Variants in CDA observed in about 807,000 individuals in gnomAD.
The protein encoded by CDA is cytidine deaminase.
In CDA, 7 loss-of-function variants were observed where a neutral mutation model predicts 15.0. The observed-to-expected ratio is 0.47, with a 90% confidence interval of 0.26 to 0.87. The LOEUF (loss-of-function observed/expected upper bound fraction) is 0.87. Ranked by LOEUF, CDA falls within the 40% of genes least tolerant of loss-of-function variation. The pLI is 0.15. For missense variants in CDA, 159 were observed against 182.7 expected (o/e 0.87, Z 0.75); for synonymous variants, 58 against 73.0 (o/e 0.79, Z 1.05).
chr1:20,593,511 G>T (rs915476710), intron 1 of CDA, among the ~76,000 whole-genome samples: 1 of 152,164 alleles, frequency 6.6e-6, no homozygotes, highest in Admixed American at 6.6e-5. Flanking sequence ...CTCTTGTCCT[G>T]CAGGTGGGCT....
Position 20,606,161 on chromosome 1 carries a change from C to G in CDA, c.266+1122C>G, listed in dbSNP as rs1364169958. Reference sequence around the variant, plus strand: ...AGCCTTCCCTGTCACCGAGGTGTGTCCTGGCTTCCTTAAGGCTTCCGGAGG... The same window carrying G: ...AGCCTTCCCTGTCACCGAGGTGTGTGCTGGCTTCCTTAAGGCTTCCGGAGG... On this transcript the variant is annotated intron_variant, in intron 2 of 3. Transcript: ENST00000375071. Among the ~76,000 whole-genome samples, 3 of 123,488 alleles carry G rather than the reference C, an allele frequency of 2.4e-5. 1 individual carries two copies. Among genetic ancestry groups the G allele is most frequent in the Non-Finnish European group, 5.4e-5 (3 of 55,910 alleles). 81.0% of individuals were successfully genotyped at this position (123,488 alleles called of 152,430 possible).
In CDA at chr1:20,605,827, A is replaced by G. The variant is rs1474123718; in HGVS notation, c.266+788A>G. ...GGACAGAGTGAGACCCTGTCTCAAA[A>G]ACAACACAAAACAAAAAAGCATTGA... is the stretch of plus-strand genomic sequence containing the variant. On this transcript the variant is annotated intron_variant, in intron 2 of 3. Transcript: ENST00000375071. Among the ~76,000 whole-genome samples the G allele has an allele frequency of 1.6e-5, 2 of 124,100 alleles. 1 individual carries two copies. Among genetic ancestry groups the G allele is most frequent in the Non-Finnish European group, 3.6e-5 (2 of 56,000 alleles). 81.4% of individuals were successfully genotyped at this position (124,100 alleles called of 152,430 possible). A position where few individuals can be genotyped will look rare whatever the true frequency, so the allele number is the denominator to read the frequency against.
intron 2 of CDA, among the ~76,000 whole-genome samples, chr1:20,611,508 G>A (rs545428312): frequency 3.3e-5 from 5 of 152,272 alleles, no homozygotes; most frequent in African/African-American, 1.2e-4. Context: ...AGCCTCCTGG[G>A]TAGCTGGGAC....
At chr1:20,589,745 G>A (rs66731853) in intron 1 of CDA, among the ~76,000 whole-genome samples, 35,764 of 152,134 alleles carry the variant, frequency 0.24, 5,143 homozygotes, top group Middle Eastern at 0.39. Flanking sequence ...AAGGTCACAC[G>A]GGGCGCTGGT....
intron 2 of CDA, among the ~76,000 whole-genome samples, chr1:20,608,408 T>TGTTTTGTTTC (rs2052713865): frequency 6.6e-6 from 1 of 151,764 alleles, no homozygotes; most frequent in African/African-American, 2.4e-5. Context: ...TGTTTTGTTT[T>TGTTTTGTTTC]GTTTTGTTTT....
At chr1:20,590,027 G>A (rs1445667418) in intron 1 of CDA, among the ~76,000 whole-genome samples, 1 of 152,212 alleles carries the variant, frequency 6.6e-6, no homozygotes, top group African/African-American at 2.4e-5. Flanking sequence ...GTTCATGTGA[G>A]CAAAAATTCA....
intron 3 of CDA, among the ~76,000 whole-genome samples, chr1:20,616,187 G>A (rs1455138012): frequency 5.3e-5 from 8 of 152,136 alleles, no homozygotes; most frequent in Non-Finnish European, 7.4e-5. Flanking sequence ...TCTGAAGCCC[G>A]TGCTCCTCAC....
At chr1:20,616,190 C>G (rs1459514914) in intron 3 of CDA, among the ~76,000 whole-genome samples, 1 of 152,180 alleles carries the variant, frequency 6.6e-6, no homozygotes, top group African/African-American at 2.4e-5. Context: ...GAAGCCCGTG[C>G]TCCTCACGGC....
intron 2 of CDA, among the ~76,000 whole-genome samples, chr1:20,609,312 G>A (rs1304695749): frequency 1.3e-5 from 2 of 152,192 alleles, no homozygotes; most frequent in South Asian, 2.1e-4. Context: ...GTGAAACCCC[G>A]TCTCTACTAA....
At chr1:20,593,343 T>C (rs1004105647) in intron 1 of CDA, among the ~76,000 whole-genome samples, 2 of 152,256 alleles carry the variant, frequency 1.3e-5, no homozygotes, top group South Asian at 2.1e-4. Context: ...TGGGGGACAA[T>C]GAGTTTCACA....
rs777944190 is a variant in CDA, at chr1:20,613,829, T to G, written c.267-13T>G. The G allele has an allele frequency of 1.9e-6, 3 of 1,613,554 alleles. No homozygotes were observed. Among genetic ancestry groups the G allele is most frequent in the South Asian group, 2.2e-5 (2 of 91,050 alleles). On this transcript the variant is annotated splice_polypyrimidine_tract_variant and intron_variant, in intron 2 of 3. Transcript: ENST00000375071. ...GGAGAGACTAATTTGAGTTTGATTC[T>G]TTGCTTCCCCAGTGACATGCAAGAT... is the stretch of plus-strand genomic sequence containing the variant.
intron 3 of CDA, among the ~76,000 whole-genome samples, chr1:20,615,646 T>C (rs2052794923): frequency 6.6e-6 from 1 of 151,496 alleles, no homozygotes; most frequent in Non-Finnish European, 1.5e-5. Flanking sequence ...TCCTCTAGAG[T>C]CCCAAAAGAT....
intron 3 of CDA, 78 bp from the exon 4 acceptor site, chr1:20,618,374 G>C: frequency 1.3e-6 from 1 of 772,304 alleles, no homozygotes; most frequent in South Asian, 1.5e-5. Context: ...GACAGTGGCA[G>C]AGTCAGACTC....
At chr1:20,613,394 G>A (rs910050871) in intron 2 of CDA, among the ~76,000 whole-genome samples, 18 of 152,014 alleles carry the variant, frequency 1.2e-4, no homozygotes, top group Admixed American at 3.3e-4. Context: ...TAGTAAAGAC[G>A]GTGTTTTACC....
chr1:20,601,858 G>C (rs879736915), intron 1 of CDA, among the ~76,000 whole-genome samples: 6 of 152,088 alleles, frequency 3.9e-5, no homozygotes, highest in Non-Finnish European at 7.3e-5. Context: ...GCTGGGCACC[G>C]TGGCTCACAC....
chr1:20,610,974 TC>T (rs748456103), intron 2 of CDA, among the ~76,000 whole-genome samples: 1 of 152,194 alleles, frequency 6.6e-6, no homozygotes, highest in African/African-American at 2.4e-5. Flanking sequence ...GCATGGTGGC[TC>T]ATGTCTGTAA....
chr1:20,610,246 C>G (rs1169728382), intron 2 of CDA, among the ~76,000 whole-genome samples: 1 of 144,514 alleles, frequency 6.9e-6, no homozygotes, highest in African/African-American at 2.6e-5. Flanking sequence ...CTGGCACATT[C>G]TAGGCACACA....
At chr1:20,594,530 G>A (rs2052574967) in intron 1 of CDA, among the ~76,000 whole-genome samples, 1 of 151,722 alleles carries the variant, frequency 6.6e-6, no homozygotes. Context: ...GCTCATGACT[G>A]TAATCCCGGT....
chr1:20,609,347 G>C (rs912421714), intron 2 of CDA, among the ~76,000 whole-genome samples: 14 of 152,314 alleles, frequency 9.2e-5, no homozygotes, highest in South Asian at 4.1e-4. Context: ...TTAACCAGGC[G>C]TGGTGGCGGG....
Sources: allele counts gnomAD v4.1 joint callset (sites outside exome capture counted in the v4.1 genomes callset), GRCh38; gene constraint gnomAD v4.1.1; transcripts MANE v1.5; gene names NCBI Gene and HGNC (gene_info 2026-07-23, HGNC 2026-07-21).